Variants in PIK3C2G observed in about 807,000 individuals in gnomAD.
PIK3C2G encodes the protein phosphatidylinositol-4-phosphate 3-kinase catalytic subunit type 2 gamma.
A neutral mutation model predicts 181.1 loss-of-function variants in PIK3C2G; 168 were observed. The observed-to-expected ratio is 0.93, with a 90% CI of 0.82 to 1.05. The LOEUF is 1.05. PIK3C2G is among the 50% of genes least tolerant of loss of function. The pLI is 0.00. For synonymous variants in PIK3C2G, 573 were observed against 592.2 expected (o/e 0.97, Z 0.47); for missense variants, 1,869 against 1,732.8 (o/e 1.08, Z -1.40).
At chr12:18,657,589 A>G in the PIK3C2G span, among the ~76,000 whole-genome samples, 2 of 152,200 alleles carry the variant, frequency 1.3e-5, no homozygotes, top group African/African-American at 4.8e-5. Context: ...GCTGAACACC[A>G]CTAAGCTAAC....
At chr12:18,276,764 T>C (rs189987727) in intron 1 of PIK3C2G, among the ~76,000 whole-genome samples, 12 of 152,306 alleles carry the variant, frequency 7.9e-5, no homozygotes, top group African/African-American at 1.2e-4. Context: ...GCTTGACATA[T>C]ATACTTAAAA....
At chr12:18,703,063 T>C in the PIK3C2G span, among the ~76,000 whole-genome samples, 1 of 152,212 alleles carries the variant, frequency 6.6e-6, no homozygotes, top group African/African-American at 2.4e-5. Context: ...GCTAGAAAAA[T>C]AGATTCATAT....
At chr12:18,575,190 T>C (rs1214706933) in intron 29 of PIK3C2G, among the ~76,000 whole-genome samples, 1 of 152,152 alleles carries the variant, frequency 6.6e-6, no homozygotes, top group Non-Finnish European at 1.5e-5. Flanking sequence ...TTAGATCCCT[T>C]TCAGCAGTTA....
intron 24 of PIK3C2G, among the ~76,000 whole-genome samples, chr12:18,515,743 TCCAC>T (rs1942494865): frequency 2.6e-5 from 4 of 151,950 alleles, no homozygotes; most frequent in African/African-American, 9.7e-5. Flanking sequence ...TTTCTTTCCT[TCCAC>T]TAATTTGGGG....
intron 24 of PIK3C2G, among the ~76,000 whole-genome samples, chr12:18,526,988 G>T (rs1035815925): frequency 6.6e-6 from 1 of 152,148 alleles, no homozygotes; most frequent in Non-Finnish European, 1.5e-5. Flanking sequence ...GAGAGACTTT[G>T]TGGGTTTTCA....
chr12:18,684,226 A>G, the PIK3C2G span: 716 of 1,611,288 alleles, frequency 4.4e-4, 6 homozygotes, highest in East Asian at 0.015. Flanking sequence ...ATCAATGCCA[A>G]TTCTGGGACA....
chr12:18,328,771 A>G (rs1402310619), intron 8 of PIK3C2G, among the ~76,000 whole-genome samples: 6 of 151,998 alleles, frequency 3.9e-5, no homozygotes, highest in African/African-American at 1.2e-4. Flanking sequence ...AAAGGTGAGT[A>G]CCCGTGTTAC....
chr12:18,303,115 C>CTTTCTTTCTTTCTTTCTTTCT (rs1950253330), intron 5 of PIK3C2G, among the ~76,000 whole-genome samples: 7 of 136,600 alleles, frequency 5.1e-5, no homozygotes, highest in South Asian at 2.5e-4. Flanking sequence ...TCTTTCTTTC[C>CTTTCTTTCTTTCTTTCTTTCT]TTCTTTCTTT....
chr12:18,689,780 G>A, the PIK3C2G span, among the ~76,000 whole-genome samples: 1 of 152,106 alleles, frequency 6.6e-6, no homozygotes, highest in African/African-American at 2.4e-5. Flanking sequence ...TGCAGGTGAC[G>A]AAGAGTAAAG....
At chr12:18,510,556 C>T (rs983834308) in intron 24 of PIK3C2G, among the ~76,000 whole-genome samples, 1 of 152,090 alleles carries the variant, frequency 6.6e-6, no homozygotes, top group East Asian at 1.9e-4. Context: ...ACAGTGTTTT[C>T]ATATTCTATA....
At chr12:18,456,852 C>T (rs1021511540) in intron 18 of PIK3C2G, among the ~76,000 whole-genome samples, 3 of 152,174 alleles carry the variant, frequency 2.0e-5, no homozygotes, top group African/African-American at 7.2e-5. Flanking sequence ...GACTCTTTTA[C>T]TCTCACCAAC....
the PIK3C2G span, chr12:18,694,136 T>C: frequency 3.5e-6 from 3 of 855,608 alleles, no homozygotes; most frequent in Non-Finnish European, 5.6e-6. Context: ...GGTTGGGTGA[T>C]TTCTCAGTCC....
At chr12:18,716,678 G>A in the PIK3C2G span, among the ~76,000 whole-genome samples, 15 of 151,920 alleles carry the variant, frequency 9.9e-5, no homozygotes, top group African/African-American at 3.6e-4. Context: ...AGAACTTTGT[G>A]GTATGAAATT....
chr12:18,641,873 C>A (rs1236877426), intron 32 of PIK3C2G, among the ~76,000 whole-genome samples: 2 of 151,646 alleles, frequency 1.3e-5, no homozygotes, highest in African/African-American at 2.4e-5. Context: ...TTTAAGCCAC[C>A]CGAGTAACTG....
At chr12:18,298,410 T>TTTTC (rs907097394) in intron 5 of PIK3C2G, among the ~76,000 whole-genome samples, 6 of 147,766 alleles carry the variant, frequency 4.1e-5, no homozygotes, top group African/African-American at 1.5e-4. Context: ...TGTTTTTTCT[T>TTTTC]TTTTTTTTTT....
At chr12:18,433,486 A>T (rs981129348) in intron 18 of PIK3C2G, among the ~76,000 whole-genome samples, 1 of 152,190 alleles carries the variant, frequency 6.6e-6, no homozygotes, top group Admixed American at 6.5e-5. Context: ...AGATCACGCC[A>T]TTGCACTCCA....
intron 24 of PIK3C2G, among the ~76,000 whole-genome samples, chr12:18,525,965 A>G (rs894257644): frequency 6.6e-6 from 1 of 152,206 alleles, no homozygotes; most frequent in Non-Finnish European, 1.5e-5. Context: ...ACCTACTATA[A>G]TTAATCTCAG....
chr12:18,506,267 C>A (rs542283676), intron 24 of PIK3C2G, among the ~76,000 whole-genome samples: 8 of 151,834 alleles, frequency 5.3e-5, no homozygotes, highest in Non-Finnish European at 1.0e-4. Context: ...TGGAGAGGGG[C>A]GGGCAGTAGG....
chr12:18,402,159 TG>T (rs1267963456), intron 16 of PIK3C2G, among the ~76,000 whole-genome samples: 1 of 152,150 alleles, frequency 6.6e-6, no homozygotes, highest in Admixed American at 6.5e-5. Context: ...ATGTAAAATG[TG>T]ATCTATCCAT....
Sources: gnomAD v4.1 joint callset for allele counts (sites outside exome capture counted in the v4.1 genomes callset) on GRCh38, gnomAD v4.1.1 for gene constraint, MANE v1.5 for transcripts, NCBI Gene and HGNC (gene_info 2026-07-23, HGNC 2026-07-21) for gene names.